Variants in ZEB1 observed in about 807,000 individuals in gnomAD.
ZEB1 encodes zinc finger E-box binding homeobox 1.
ZEB1 carries 21 observed loss-of-function variants against 84.9 expected under a neutral mutation model. The ratio of observed to expected loss-of-function variants is 0.25; its 90% CI spans 0.18 to 0.36. ZEB1 has a LOEUF of 0.36. Ranked by LOEUF, ZEB1 falls within the 10% of genes least tolerant of loss-of-function variation. The probability of loss-of-function intolerance (pLI) is 1.00; values close to 1 mark genes in which losing one functional copy is unlikely to be tolerated. For synonymous variants in ZEB1, 420 were observed against 471.1 expected (o/e 0.89, Z 1.41); for missense variants, 1,104 against 1,330.2 (o/e 0.83, Z 2.65).
chr10:31,387,165 C>G (rs1288305533), intron 1 of ZEB1: 73 of 985,668 alleles, frequency 7.4e-5, no homozygotes, highest in Non-Finnish European at 8.6e-5. Flanking sequence ...ATAAAGAGGT[C>G]CCTCCTGCAC....
At chr10:31,354,657 A>G (rs2133935690) in intron 1 of ZEB1, among the ~76,000 whole-genome samples, 1 of 152,282 alleles carries the variant, frequency 6.6e-6, no homozygotes, top group African/African-American at 2.4e-5. Flanking sequence ...ATTATATTAC[A>G]TTTCACTAGA....
At chr10:31,372,663 C>CA (rs1183735700) in intron 1 of ZEB1, among the ~76,000 whole-genome samples, 1 of 151,956 alleles carries the variant, frequency 6.6e-6, no homozygotes, top group Non-Finnish European at 1.5e-5. Context: ...ATGATACTGT[C>CA]AGAGTGTTTC....
At chr10:31,380,760 A>G (rs1454805094) in intron 1 of ZEB1, among the ~76,000 whole-genome samples, 2 of 152,134 alleles carry the variant, frequency 1.3e-5, no homozygotes, top group African/African-American at 4.8e-5. Flanking sequence ...TAACATTCCA[A>G]AGGTAACTTG....
chr10:31,527,280 G>A lies in ZEB1; in HGVS notation c.*16G>A. 1 of 1,589,020 alleles carries A rather than the reference G, an allele frequency of 6.3e-7. No individual in the cohort carries two copies. The highest frequency in any genetic ancestry group is 1.4e-5 in the African/African-American group (1 of 73,618). ...TGAAGCCTAATCGTTTTTCTAGAAG[G>A]AAAATAAATTCTAATTGATAATGAA... On this transcript the variant is annotated 3_prime_UTR_variant, in exon 9 of 9. Coordinates refer to ENST00000424869, the MANE Select transcript of ZEB1 (RefSeq NM_001174096.2).
At chr10:31,498,660 T>C (rs1447168719) in intron 3 of ZEB1, among the ~76,000 whole-genome samples, 1 of 152,022 alleles carries the variant, frequency 6.6e-6, no homozygotes, top group Non-Finnish European at 1.5e-5. Flanking sequence ...ATTTTAAATG[T>C]CAGTAGTTAC....
rs1010638458 is a variant in ZEB1, at chr10:31,466,153, AATAG to A, written c.259+4921_259+4924del. ...AAGAAAAAATATAACTGAAGGGAGA[AATAG>A]ATAGCAGTACAGTAATCATAGGGGT... On this transcript the variant is annotated intron_variant, in intron 2 of 8. Coordinates refer to ENST00000424869, the MANE Select transcript of ZEB1 (RefSeq NM_001174096.2). Among the ~76,000 whole-genome samples, 42 of 152,214 alleles carry A rather than the reference AATAG, an allele frequency of 2.8e-4. 1 individual carries two copies. The highest frequency in any genetic ancestry group is 2.6e-3 in the Admixed American group (40 of 15,280).
intron 1 of ZEB1, among the ~76,000 whole-genome samples, chr10:31,453,767 A>G (rs2060876588): frequency 6.6e-6 from 1 of 152,188 alleles, no homozygotes; most frequent in Non-Finnish European, 1.5e-5. Flanking sequence ...AGTAATTAAT[A>G]GCCTCCCAAT....
chr10:31,394,027 C>T (rs559122738), intron 1 of ZEB1, among the ~76,000 whole-genome samples: 1 of 152,230 alleles, frequency 6.6e-6, no homozygotes, highest in African/African-American at 2.4e-5. Flanking sequence ...AACACATTGC[C>T]TGCCCTCACA....
At chr10:31,331,520 AC>A (rs2036788813) in intron 1 of ZEB1, among the ~76,000 whole-genome samples, 1 of 152,176 alleles carries the variant, frequency 6.6e-6, no homozygotes, top group South Asian at 2.1e-4. Flanking sequence ...AGGTAATGAG[AC>A]CCTGAAGATG....
chr10:31,479,868 A>G (rs2064808972), intron 2 of ZEB1, among the ~76,000 whole-genome samples: 1 of 151,980 alleles, frequency 6.6e-6, no homozygotes, highest in South Asian at 2.1e-4. Context: ...AGTAAGTGCT[A>G]TTGACTTAAA....
intron 1 of ZEB1, among the ~76,000 whole-genome samples, chr10:31,412,307 A>G (rs948330024): frequency 2.0e-5 from 3 of 152,176 alleles, no homozygotes; most frequent in Non-Finnish European, 4.4e-5. Flanking sequence ...CGTGTGCACA[A>G]CATGCAGGTT....
chr10:31,427,354 G>A (rs749465435), intron 1 of ZEB1, among the ~76,000 whole-genome samples: 6 of 152,092 alleles, frequency 3.9e-5, no homozygotes, highest in Non-Finnish European at 7.4e-5. Flanking sequence ...TTAATAATTT[G>A]TTTTGGAACC....
chr10:31,459,819 G>A lies in ZEB1; in HGVS notation c.59-1218G>A, dbSNP rs374007112. 7.1e-4 allele frequency among the ~76,000 whole-genome samples: 102 copies of A among 142,910 alleles called. 2 individuals carry two copies. The highest frequency in any genetic ancestry group is 2.6e-3 in the African/African-American group (98 of 37,930). The allele number at this position is 142,910 out of a possible 152,430, so 93.8% of individuals were successfully genotyped here. A position where few individuals can be genotyped will look rare whatever the true frequency, so the allele number is the denominator to read the frequency against. On this transcript the variant is annotated intron_variant, in intron 1 of 8. Coordinates refer to ENST00000424869, the MANE Select transcript of ZEB1 (RefSeq NM_001174096.2). ...TATTTTCAATTGTATTTCTTCCTTC[G>A]TGTTCTCAGGAGTGTGTGTGTGTGT...
intron 1 of ZEB1, among the ~76,000 whole-genome samples, chr10:31,407,408 C>A (rs1418131449): frequency 6.6e-6 from 1 of 151,920 alleles, no homozygotes; most frequent in African/African-American, 2.4e-5. Flanking sequence ...ATCCATGTCC[C>A]TACAAAGGAC....
At chr10:31,391,470 AGCTG>A (rs1322641448) in intron 1 of ZEB1, among the ~76,000 whole-genome samples, 4 of 152,076 alleles carry the variant, frequency 2.6e-5, no homozygotes, top group Non-Finnish European at 5.9e-5. Flanking sequence ...GTCATTTGAA[AGCTG>A]TGAATGTCAC....
intron 4 of ZEB1, among the ~76,000 whole-genome samples, chr10:31,505,614 C>T (rs2068842796): frequency 2.0e-5 from 3 of 151,808 alleles, no homozygotes; most frequent in Admixed American, 2.0e-4. Context: ...TGTTAGTCTT[C>T]TTTTTCATTT....
chr10:31,385,341 T>A (rs2048431066), intron 1 of ZEB1, among the ~76,000 whole-genome samples: 1 of 152,138 alleles, frequency 6.6e-6, no homozygotes, highest in Non-Finnish European at 1.5e-5. Flanking sequence ...TAATTCTACA[T>A]TTTCAGATTT....
intron 1 of ZEB1, among the ~76,000 whole-genome samples, chr10:31,404,529 T>C (rs1222692251): frequency 2.0e-5 from 3 of 152,300 alleles, no homozygotes; most frequent in Non-Finnish European, 2.9e-5. Context: ...AAAATACATA[T>C]TTAGTTGTAT....
intron 1 of ZEB1, among the ~76,000 whole-genome samples, chr10:31,323,843 T>C (rs1269316966): frequency 6.6e-6 from 1 of 152,066 alleles, no homozygotes; most frequent in Non-Finnish European, 1.5e-5. Flanking sequence ...GTGGTGTTTT[T>C]ATAAATGCAT....
Sources: allele counts gnomAD v4.1 joint callset (sites outside exome capture counted in the v4.1 genomes callset), GRCh38; gene constraint gnomAD v4.1.1; transcripts MANE v1.5; gene names NCBI Gene and HGNC (gene_info 2026-07-23, HGNC 2026-07-21).